Variants in PARP8 observed in about 807,000 individuals in gnomAD.
PARP8 encodes the protein poly(ADP-ribose) polymerase family member 8.
Under a neutral mutation model 124.1 loss-of-function variants are expected in PARP8, and 51 were observed. That is an observed-to-expected ratio of 0.41 (90% CI 0.33 to 0.52). The LOEUF (loss-of-function observed/expected upper bound fraction) is 0.52, where lower values mean the gene tolerates loss of function less well. PARP8 is among the 20% of genes least tolerant of loss of function. The probability of loss-of-function intolerance (pLI) is 0.21; values close to 1 mark genes in which losing one functional copy is unlikely to be tolerated. For missense variants in PARP8, 860 were observed against 1,018.9 expected, an observed-to-expected ratio of 0.84 and a Z score of 2.12; for synonymous variants, 391 against 361.5, an observed-to-expected ratio of 1.08 and a Z score of -0.93.
chr5:50,832,089 G>A (rs1248421629), intron 22 of PARP8, among the ~76,000 whole-genome samples: 2 of 152,114 alleles, frequency 1.3e-5, no homozygotes, highest in African/African-American at 4.8e-5. Context: ...TGCAAAATTT[G>A]TAAACAGGCT....
chr5:50,787,409 G>T (rs1022334878), intron 9 of PARP8, among the ~76,000 whole-genome samples: 4 of 152,078 alleles, frequency 2.6e-5, no homozygotes, highest in African/African-American at 9.7e-5. Context: ...CTCTTCAGGG[G>T]CTTTGCCTTT....
At chr5:50,735,964 C>CG (rs910513085) in intron 2 of PARP8, among the ~76,000 whole-genome samples, 4 of 150,234 alleles carry the variant, frequency 2.7e-5, no homozygotes, top group African/African-American at 9.8e-5. Context: ...ATTCCCCCCC[C>CG]CCCTTTTATT....
rs567296951 is a variant in PARP8, at chr5:50,845,941, G to T, written c.*3873G>T. 2.9e-3 allele frequency: 438 copies of T among 151,752 alleles called. 2 individuals carry two copies. The highest frequency in any genetic ancestry group is 0.01 in the African/African-American group (424 of 41,470). The allele number at this position is 151,752 out of a possible 1,614,324, so 9.4% of individuals were successfully genotyped here. A position where few individuals can be genotyped will look rare whatever the true frequency, so the allele number is the denominator to read the frequency against. On this transcript the variant is annotated 3_prime_UTR_variant, in exon 26 of 26. Transcript: ENST00000281631. ...TTATTACCCAGTAAATTCTTCTTGG[G>T]AATTTTGTATACATTATGGAATATT...
chr5:50,838,733 C>T (rs1277888546), intron 25 of PARP8, among the ~76,000 whole-genome samples: 7 of 151,982 alleles, frequency 4.6e-5, no homozygotes, highest in African/African-American at 1.7e-4. Flanking sequence ...GTTACATGCA[C>T]AAACCACTGA....
At chr5:50,769,937 A>C (rs1301618998) in intron 7 of PARP8, among the ~76,000 whole-genome samples, 1 of 152,122 alleles carries the variant, frequency 6.6e-6, no homozygotes, top group Non-Finnish European at 1.5e-5. Context: ...TAGAAAATAC[A>C]TAACATTTTT....
At chr5:50,807,659 G>T (rs1331013719) in intron 14 of PARP8, among the ~76,000 whole-genome samples, 1 of 152,022 alleles carries the variant, frequency 6.6e-6, no homozygotes, top group African/African-American at 2.4e-5. Context: ...CCTCAATCGT[G>T]GATTGGTATA....
chr5:50,710,879 C>A (rs1335882009), intron 2 of PARP8, among the ~76,000 whole-genome samples: 1 of 152,154 alleles, frequency 6.6e-6, no homozygotes, highest in Admixed American at 6.6e-5. Context: ...TATTACCTAG[C>A]CACAGTGTAT....
intron 22 of PARP8, among the ~76,000 whole-genome samples, chr5:50,830,292 G>A (rs1327860916): frequency 1.3e-5 from 2 of 152,102 alleles, no homozygotes; most frequent in Non-Finnish European, 2.9e-5. Context: ...ATCTTTAAGT[G>A]TAATTCTATA....
chr5:50,729,039 C>T (rs1334978161), intron 2 of PARP8, among the ~76,000 whole-genome samples: 1 of 151,804 alleles, frequency 6.6e-6, no homozygotes, highest in East Asian at 1.9e-4. Flanking sequence ...TTTTATGGTC[C>T]AGTCTTATGG....
intron 2 of PARP8, among the ~76,000 whole-genome samples, chr5:50,694,197 G>C (rs916255613): frequency 6.6e-5 from 10 of 152,102 alleles, no homozygotes; most frequent in African/African-American, 2.4e-4. Flanking sequence ...TACTAGAAGT[G>C]AAAATTCTGA....
chr5:50,666,899 C>G lies in PARP8; in HGVS notation c.-197C>G. On this transcript the variant is annotated 5_prime_UTR_variant, in exon 1 of 26. Transcript: ENST00000281631. ...TCACATCTGGGAATGCAAAGCCGACCTCCCCCTCCTCCTCCTCCTCCCCCT... is the reference window on the plus strand; with the variant it reads ...TCACATCTGGGAATGCAAAGCCGACGTCCCCCTCCTCCTCCTCCTCCCCCT... The G allele has an allele frequency of 7.8e-7, 1 of 1,288,150 alleles. No individual in the cohort carries two copies. The highest frequency in any genetic ancestry group is 9.7e-7 in the Non-Finnish European group (1 of 1,031,040). 79.8% of individuals were successfully genotyped at this position (1,288,150 alleles called of 1,614,324 possible).
chr5:50,770,709 G>T (rs11955481), intron 7 of PARP8, among the ~76,000 whole-genome samples: 2,092 of 144,252 alleles, frequency 0.015, 48 homozygotes, highest in African/African-American at 0.055. Flanking sequence ...AGAAAGAAAG[G>T]AGAGAGAAAG....
intron 4 of PARP8, 137 bp from the exon 5 acceptor site, chr5:50,760,155 G>C (rs547103074): frequency 4.9e-6 from 4 of 818,740 alleles, no homozygotes; most frequent in Admixed American, 4.0e-5. Flanking sequence ...AACATGACAT[G>C]ATTTCAAAAT....
intron 7 of PARP8, among the ~76,000 whole-genome samples, chr5:50,768,130 A>T (rs1425852946): frequency 6.6e-5 from 10 of 152,174 alleles, no homozygotes; most frequent in African/African-American, 2.4e-4. Context: ...ATTATAAAAC[A>T]TCATAACAGT....
rs1178903272 is a variant in PARP8 at position 50,844,378 on chromosome 5, G to A, written c.*2310G>A. ...TTTTTAATTGAACTTTTTGAAATTA[G>A]GGATACTATAATAACTGATAAAGAT... On this transcript the variant is annotated 3_prime_UTR_variant, in exon 26 of 26. Transcript: ENST00000281631. The A allele has an allele frequency of 6.6e-6, 1 of 151,596 alleles. No individual in the cohort carries two copies. Among genetic ancestry groups the A allele is most frequent in the East Asian group, 1.9e-4 (1 of 5,164 alleles). 9.4% of individuals were successfully genotyped at this position (151,596 alleles called of 1,614,324 possible).
chr5:50,786,055 A>G (rs1202153624), intron 9 of PARP8, among the ~76,000 whole-genome samples: 1 of 152,012 alleles, frequency 6.6e-6, no homozygotes, highest in Non-Finnish European at 1.5e-5. Context: ...CTCTTGTCTT[A>G]AAAAAATAAA....
At chr5:50,809,921 G>A (rs1381790826) in intron 14 of PARP8, among the ~76,000 whole-genome samples, 27 of 151,974 alleles carry the variant, frequency 1.8e-4, no homozygotes, top group Admixed American at 1.7e-3. Context: ...TACCAGTAGA[G>A]GGTAATTTAA....
chr5:50,733,248 C>T (rs115784256), intron 2 of PARP8, among the ~76,000 whole-genome samples: 7,076 of 151,342 alleles, frequency 0.047, 225 homozygotes, highest in Admixed American at 0.073. Context: ...GAGCCGAGAT[C>T]GCGCCACACC....
In PARP8 at chr5:50,795,142, T is replaced by C. The variant is rs749861483; in HGVS notation, c.1153T>C (p.Leu385=). ...ECLTLKSHRL[L]TRSCSGDPRC... is the part of the protein sequence containing the mutation. ...CCTAACTCTAAAGTCGCATAGACTA[T>C]TGACTCGATCTTGTTCTGGAGATCC... Residue 385 remains leucine (L), a synonymous_variant, in exon 12 of 26, where the codon TTG becomes CTG. Transcript: ENST00000281631. The C allele has an allele frequency of 6.8e-6, 11 of 1,614,116 alleles. No individual in the cohort carries two copies. The highest frequency in any genetic ancestry group is 8.5e-6 in the Non-Finnish European group (10 of 1,180,056).
Sources: gnomAD v4.1 joint callset for allele counts (sites outside exome capture counted in the v4.1 genomes callset) on GRCh38, gnomAD v4.1.1 for gene constraint, MANE v1.5 for transcripts, NCBI Gene and HGNC (gene_info 2026-07-23, HGNC 2026-07-21) for gene names.